Variants in NINJ1 observed in about 807,000 individuals in gnomAD.
The protein encoded by NINJ1 is ninjurin-1.
In NINJ1, 6 loss-of-function variants were observed where a neutral mutation model predicts 12.7. The ratio of observed to expected loss-of-function variants is 0.47; its 90% CI spans 0.26 to 0.93. The LOEUF is 0.93. NINJ1 is among the 40% of genes least tolerant of loss of function. The pLI, the probability that NINJ1 is intolerant of heterozygous loss-of-function variation, is 0.15. For synonymous variants in NINJ1, 100 were observed against 96.0 expected, an observed-to-expected ratio of 1.04 and a Z score of -0.25; for missense variants, 170 against 213.0, an observed-to-expected ratio of 0.80 and a Z score of 1.26.
chr9:93,134,103 G>C, intron 1 of NINJ1, 40 bp downstream of exon 1: 1 of 1,485,672 alleles, frequency 6.7e-7, no homozygotes, highest in Non-Finnish European at 9.1e-7. Context: ...GAAAGGACAG[G>C]GCCTGGCAAG....
At chr9:93,134,093 G>T (rs747551721) in intron 1 of NINJ1, 50 bp downstream of exon 1, 1 of 1,414,046 alleles carries the variant, frequency 7.1e-7, no homozygotes, top group South Asian at 1.3e-5. Context: ...GCGGCGCCCC[G>T]AAAGGACAGG....
At chr9:93,127,368 T>C (rs1332154501) in intron 1 of NINJ1, among the ~76,000 whole-genome samples, 1 of 152,208 alleles carries the variant, frequency 6.6e-6, no homozygotes, top group Non-Finnish European at 1.5e-5. Flanking sequence ...GGAATCCTCT[T>C]TGCCTTAGGG....
intron 1 of NINJ1, among the ~76,000 whole-genome samples, chr9:93,130,189 T>C (rs1827870432): frequency 6.6e-6 from 1 of 152,118 alleles, no homozygotes. Context: ...GAGGGAGGCT[T>C]GGTGAGGAGG....
At chr9:93,123,764 G>C (rs1827769480) in intron 3 of NINJ1, among the ~76,000 whole-genome samples, 1 of 152,252 alleles carries the variant, frequency 6.6e-6, no homozygotes, top group Non-Finnish European at 1.5e-5. Context: ...CTAGGCCTAA[G>C]GTCGCGGGGA....
intron 1 of NINJ1, among the ~76,000 whole-genome samples, chr9:93,132,801 G>A (rs531975906): frequency 6.6e-6 from 1 of 152,252 alleles, no homozygotes; most frequent in Non-Finnish European, 1.5e-5. Flanking sequence ...CTATCCTGCC[G>A]CCCGCAGAAG....
intron 1 of NINJ1, among the ~76,000 whole-genome samples, chr9:93,131,737 A>G (rs2130753303): frequency 6.6e-6 from 1 of 152,318 alleles, no homozygotes; most frequent in East Asian, 1.9e-4. Flanking sequence ...GGGCCCTCAC[A>G]TGAAGGGCCA....
chr9:93,129,614 G>C (rs1416183792), intron 1 of NINJ1, among the ~76,000 whole-genome samples: 1 of 152,098 alleles, frequency 6.6e-6, no homozygotes, highest in Non-Finnish European at 1.5e-5. Context: ...GTATATCTAG[G>C]GTTGCACCTG....
chr9:93,130,984 T>C (rs1827885661), intron 1 of NINJ1, among the ~76,000 whole-genome samples: 1 of 152,166 alleles, frequency 6.6e-6, no homozygotes, highest in South Asian at 2.1e-4. Context: ...TGGCAGATGG[T>C]GGGGCGACCT....
At chr9:93,125,276 G>A (rs571388186) in intron 2 of NINJ1, 68 of 471,162 alleles carry the variant, frequency 1.4e-4, no homozygotes, top group African/African-American at 1.2e-3. Flanking sequence ...GCAACCCCAC[G>A]GTCTATGACC....
chr9:93,132,918 T>C (rs1465966773), intron 1 of NINJ1, among the ~76,000 whole-genome samples: 1 of 152,166 alleles, frequency 6.6e-6, no homozygotes, highest in African/African-American at 2.4e-5. Context: ...CTGACCTGTT[T>C]ATTACCTGAC....
At position 93,122,171 on chromosome 9, in the gene NINJ1, C is replaced by T. The variant is rs766359967; in HGVS notation, c.*69G>A. On this transcript the variant is annotated 3_prime_UTR_variant, in exon 4 of 4. Coordinates refer to ENST00000375446, the MANE Select transcript of NINJ1 (RefSeq NM_004148.4). ...CATGTGCAGGGAGGTGGACACCTCA[C>T]AGGTATGGCGACTCCTGGGGTCGGG... The T allele has an allele frequency of 1.3e-5, 2 of 153,068 alleles. No individual in the cohort carries two copies. Among genetic ancestry groups the T allele is most frequent in the African/African-American group, 4.8e-5 (2 of 41,484 alleles). 9.5% of individuals were successfully genotyped at this position (153,068 alleles called of 1,614,324 possible).
intron 3 of NINJ1, among the ~76,000 whole-genome samples, chr9:93,124,576 A>T (rs1827781970): frequency 1.8e-5 from 1 of 57,012 alleles, no homozygotes; most frequent in African/African-American, 8.4e-5. Context: ...CGCCTGACCC[A>T]GAAATCTTTT....
chr9:93,124,997 C>T lies in NINJ1; in HGVS notation c.370G>A (p.Gly124Ser), dbSNP rs1342649996. 5.6e-6 allele frequency: 9 copies of T among 1,613,968 alleles called. No individual in the cohort carries two copies. Among genetic ancestry groups the T allele is most frequent in the African/African-American group, 1.3e-5 (1 of 74,930 alleles). ...ACTACCACGATGATGAACACCAGGC[C>T]CGTGGCCAGGTTGTTGAGGAAGTCC... Reference protein sequence around the residue: ...KLDFLNNLATGLVFIIVVVNI... With the variant: ...KLDFLNNLATSLVFIIVVVNI... Residue 124 changes from glycine (G) to serine (S), a missense_variant, in exon 3 of 4, where the codon GGC becomes AGC. Gly to Ser is a moderately conservative substitution (Grantham distance 56). Transcript: ENST00000375446.
chr9:93,133,493 GC>G (rs1414859382), intron 1 of NINJ1, among the ~76,000 whole-genome samples: 1 of 152,262 alleles, frequency 6.6e-6, no homozygotes, highest in Admixed American at 6.5e-5. Context: ...ACCAGGGCCT[GC>G]CCCCTGCCCA....
chr9:93,125,073 G>A lies in NINJ1; in HGVS notation c.305-11C>T. On this transcript the variant is annotated splice_polypyrimidine_tract_variant and intron_variant, in intron 2 of 3. Transcript: ENST00000375446. The stretch of plus-strand genomic sequence containing the variant: ...TAAGGTCGTACTTGACTGTGGGCGA[G>A]AGAGGAGTGGATGGTGCCAAGGGCA... 2 of 1,606,596 alleles carry A rather than the reference G, an allele frequency of 1.2e-6. No individual in the cohort carries two copies. The highest frequency in any genetic ancestry group is 2.2e-5 in the South Asian group (2 of 89,814).
At chr9:93,122,717 C>A (rs1219059463) in intron 3 of NINJ1, among the ~76,000 whole-genome samples, 1 of 152,164 alleles carries the variant, frequency 6.6e-6, no homozygotes, top group African/African-American at 2.4e-5. Flanking sequence ...CCATAGCCAC[C>A]CACGAAGCCT....
chr9:93,128,481 T>C (rs1234230532), intron 1 of NINJ1, among the ~76,000 whole-genome samples: 1 of 152,196 alleles, frequency 6.6e-6, no homozygotes, highest in African/African-American at 2.4e-5. Context: ...AGGGTCTGGG[T>C]GAGGACAGCC....
chr9:93,123,087 A>T (rs563245301), intron 3 of NINJ1, among the ~76,000 whole-genome samples: 2 of 152,292 alleles, frequency 1.3e-5, no homozygotes, highest in Non-Finnish European at 2.9e-5. Flanking sequence ...CACGGCCGGG[A>T]CATTGGGGGC....
At position 93,125,055 on chromosome 9, in the gene NINJ1, G is replaced by A. The variant is rs1156851505; in HGVS notation, c.312C>T (p.Tyr104=). The change falls in exon 3 of 4, where the codon TAC becomes TAT. Residue 104 remains tyrosine, a synonymous_variant. Transcript: ENST00000375446. ...CGTGCTTGGCCGGGTTGTTAAGGTC[G>A]TACTTGACTGTGGGCGAGAGAGGAG... The part of the protein sequence containing the change: ...VGVLLIFLVK[Y]DLNNPAKHAK... The A allele has an allele frequency of 1.9e-6, 3 of 1,611,662 alleles. No individual in the cohort carries two copies. The highest frequency in any genetic ancestry group is 1.3e-5 in the African/African-American group (1 of 75,024).
Sources: gnomAD v4.1 joint callset for allele counts (sites outside exome capture counted in the v4.1 genomes callset) on GRCh38, gnomAD v4.1.1 for gene constraint, MANE v1.5 for transcripts, NCBI Gene and HGNC (gene_info 2026-07-23, HGNC 2026-07-21) for gene names.